The following RERE variants were observed in gnomAD, a reference collection of about 807,000 sequenced individuals.
RERE encodes arginine-glutamic acid dipeptide repeats.
A neutral mutation model predicts 146.1 loss-of-function variants in RERE; 40 were observed. The observed-to-expected ratio is 0.27, with a 90% confidence interval of 0.21 to 0.36. The LOEUF is 0.36. Ranked by LOEUF, RERE falls within the 10% of genes least tolerant of loss-of-function variation. RERE has a pLI of 1.00. For missense variants in RERE, 1,933 were observed against 2,138.7 expected (o/e 0.90, Z 1.90); for synonymous variants, 1,003 against 866.0 (o/e 1.16, Z -2.78).
chr1:8,541,449 T>G, intron 6 of RERE, 131 bp from the exon 7 acceptor site: 2 of 585,968 alleles, frequency 3.4e-6, no homozygotes, highest in Non-Finnish European at 6.1e-6. Context: ...AACACCACAC[T>G]TTATTTCACC....
At chr1:8,549,228 T>C (rs1355708385) in intron 6 of RERE, among the ~76,000 whole-genome samples, 1 of 151,976 alleles carries the variant, frequency 6.6e-6, no homozygotes, top group Non-Finnish European at 1.5e-5. Flanking sequence ...AATGGCTAAT[T>C]CCAGCGCTGG....
chr1:8,775,147 G>C (rs1335606007), intron 1 of RERE, among the ~76,000 whole-genome samples: 1 of 151,768 alleles, frequency 6.6e-6, no homozygotes, highest in Non-Finnish European at 1.5e-5. Context: ...TTTTAGTAGA[G>C]ACGGGGTTTC....
chr1:8,407,461 A>C (rs943531016), intron 12 of RERE, among the ~76,000 whole-genome samples: 1 of 152,242 alleles, frequency 6.6e-6, no homozygotes, highest in African/African-American at 2.4e-5. Context: ...AAGAATGTCT[A>C]AGATAATAAA....
chr1:8,708,503 T>A (rs1191095635), intron 1 of RERE, among the ~76,000 whole-genome samples: 3 of 151,982 alleles, frequency 2.0e-5, no homozygotes, highest in Admixed American at 6.6e-5. Context: ...AATTTTCTAT[T>A]TTTAGTAGAG....
chr1:8,578,856 G>T (rs763927890), intron 4 of RERE, among the ~76,000 whole-genome samples: 8 of 152,154 alleles, frequency 5.3e-5, no homozygotes, highest in Non-Finnish European at 1.0e-4. Context: ...AACAGTAAAA[G>T]ATCCTTTATA....
rs11121171 is a variant in RERE at position 8,356,897 on chromosome 1, G to T, written c.4340-651C>A. On this transcript the variant is annotated intron_variant, in intron 20 of 22. Coordinates refer to ENST00000400908, the MANE Select transcript of RERE (RefSeq NM_001042681.2). This position sits in a 1 kb window ranked among gnomAD's most constrained non-coding sequence, Gnocchi z 5.2. Reference sequence around the variant, plus strand: ...TGCCACCTCCAGCCATGCTGCCCTGGGGTCCCTGGAAGATTGGGAGCCCCC... The same window carrying T: ...TGCCACCTCCAGCCATGCTGCCCTGTGGTCCCTGGAAGATTGGGAGCCCCC... 6.6e-6 allele frequency among the ~76,000 whole-genome samples: 1 copy of T among 152,064 alleles called. No individual in the cohort carries two copies. The highest frequency in any genetic ancestry group is 2.4e-5 in the African/African-American group (1 of 41,372).
intron 7 of RERE, among the ~76,000 whole-genome samples, chr1:8,529,747 G>C (rs925436848): frequency 2.0e-5 from 3 of 151,986 alleles, no homozygotes; most frequent in African/African-American, 7.2e-5. Context: ...AAGAATATAG[G>C]ATCAGTCCTC....
intron 2 of RERE, among the ~76,000 whole-genome samples, chr1:8,647,708 TTTTG>T (rs1431185656): frequency 1.3e-5 from 2 of 151,106 alleles, no homozygotes; most frequent in African/African-American, 2.4e-5. Context: ...CACATCTTGG[TTTTG>T]TTTTATTTTG....
At chr1:8,621,651 T>C (rs1472043413) in intron 3 of RERE, among the ~76,000 whole-genome samples, 1 of 152,210 alleles carries the variant, frequency 6.6e-6, no homozygotes, top group African/African-American at 2.4e-5. Context: ...AAAGATAAAA[T>C]ACCTAATTAC....
chr1:8,734,985 T>C (rs1215730577), intron 1 of RERE, among the ~76,000 whole-genome samples: 1 of 152,178 alleles, frequency 6.6e-6, no homozygotes, highest in African/African-American at 2.4e-5. Flanking sequence ...TATTTGCCTC[T>C]CCCACAAAAT....
At chr1:8,598,580 C>A (rs1045396598) in intron 4 of RERE, among the ~76,000 whole-genome samples, 2 of 152,184 alleles carry the variant, frequency 1.3e-5, no homozygotes, top group Non-Finnish European at 1.5e-5. Context: ...GGGCTGGATT[C>A]CACACACAGA....
intron 12 of RERE, among the ~76,000 whole-genome samples, chr1:8,391,138 T>A (rs1307519086): frequency 6.6e-6 from 1 of 152,166 alleles, no homozygotes; most frequent in Non-Finnish European, 1.5e-5. Flanking sequence ...GTTACTTCCC[T>A]GTTTGAGATT....
chr1:8,679,937 G>A (rs888684375), intron 1 of RERE, among the ~76,000 whole-genome samples: 5 of 152,212 alleles, frequency 3.3e-5, no homozygotes, highest in African/African-American at 9.6e-5. Flanking sequence ...AAGAACTCAT[G>A]ACCTTGCACA....
chr1:8,481,836 G>T (rs188356855), intron 10 of RERE, among the ~76,000 whole-genome samples: 81 of 152,290 alleles, frequency 5.3e-4, no homozygotes, highest in Non-Finnish European at 5.1e-4. Context: ...TAAAAAGAAT[G>T]TGATGAGCAG....
intron 1 of RERE, among the ~76,000 whole-genome samples, chr1:8,744,330 G>C (rs573885180): frequency 6.6e-6 from 1 of 152,202 alleles, no homozygotes; most frequent in Admixed American, 6.5e-5. Context: ...AGTTCCATAT[G>C]TGGGTAGTAA....
At chr1:8,745,139 T>C (rs1019950246) in intron 1 of RERE, among the ~76,000 whole-genome samples, 1 of 152,168 alleles carries the variant, frequency 6.6e-6, no homozygotes, top group African/African-American at 2.4e-5. Context: ...GGGAGAGGCC[T>C]GGCAGGAGGT....
At chr1:8,433,890 G>A (rs1005864590) in intron 11 of RERE, among the ~76,000 whole-genome samples, 5 of 152,242 alleles carry the variant, frequency 3.3e-5, no homozygotes, top group East Asian at 3.9e-4. Context: ...TCCTCTCTAG[G>A]GTCAAATATG....
At chr1:8,582,684 G>A (rs2124066876) in intron 4 of RERE, among the ~76,000 whole-genome samples, 1 of 152,226 alleles carries the variant, frequency 6.6e-6, no homozygotes, top group South Asian at 2.1e-4. Flanking sequence ...CTGTGCCACT[G>A]CACTCCAGCC....
intron 12 of RERE, among the ~76,000 whole-genome samples, chr1:8,377,634 C>G (rs1306457334): frequency 6.6e-6 from 1 of 152,138 alleles, no homozygotes; most frequent in East Asian, 1.9e-4. Context: ...AACTACCATT[C>G]TCTATCTCGT....
Sources: gnomAD v4.1 joint callset for allele counts (sites outside exome capture counted in the v4.1 genomes callset) on GRCh38, gnomAD v4.1.1 for gene constraint, Gnocchi (gnomAD v3.1) non-coding constraint, MANE v1.5 for transcripts, NCBI Gene and HGNC (gene_info 2026-07-23, HGNC 2026-07-21) for gene names.